The following IQCM variants were observed in gnomAD, a reference collection of about 807,000 sequenced individuals.
IQCM encodes IQ domain-containing protein M.
Under a neutral mutation model 57.6 loss-of-function variants are expected in IQCM, and 45 were observed. The ratio of observed to expected loss-of-function variants is 0.78; its 90% confidence interval spans 0.62 to 1.00. The LOEUF is 1.00. Ranked by LOEUF, IQCM falls within the 50% of genes least tolerant of loss-of-function variation. IQCM has a pLI of 0.00. For missense variants in IQCM, 468 were observed against 511.6 expected, an observed-to-expected ratio of 0.91 and a Z score of 0.82; for synonymous variants, 148 against 158.9, an observed-to-expected ratio of 0.93 and a Z score of 0.51.
At chr4:149,369,832 G>T (rs186706099) in intron 13 of IQCM, among the ~76,000 whole-genome samples, 7 of 152,174 alleles carry the variant, frequency 4.6e-5, no homozygotes, top group Non-Finnish European at 2.9e-5. Context: ...ACTTTGCAAA[G>T]CAATATCTCA....
At chr4:149,368,959 CGTGTATATATAT>C (rs1730128909) in intron 13 of IQCM, among the ~76,000 whole-genome samples, 1 of 49,434 alleles carries the variant, frequency 2.0e-5, no homozygotes, top group African/African-American at 8.1e-5. Context: ...TATATATACA[CGTGTATATATAT>C]ATGTGTATAT....
At chr4:149,436,174 G>A (rs1420364026) in intron 12 of IQCM, among the ~76,000 whole-genome samples, 1 of 151,948 alleles carries the variant, frequency 6.6e-6, no homozygotes, top group African/African-American at 2.4e-5. Flanking sequence ...TTTTGTTTTG[G>A]ATACTGTATT....
intron 13 of IQCM, among the ~76,000 whole-genome samples, chr4:149,401,541 T>C (rs930036898): frequency 7.9e-5 from 12 of 151,798 alleles, no homozygotes; most frequent in Admixed American, 7.9e-4. Flanking sequence ...TCAATATTTA[T>C]GTGATAAATA....
chr4:149,357,126 C>G (rs1477596018), intron 13 of IQCM, among the ~76,000 whole-genome samples: 4 of 152,272 alleles, frequency 2.6e-5, no homozygotes, highest in Admixed American at 2.6e-4. Context: ...AGTTGCTTAT[C>G]AGCTTAAGGA....
intron 11 of IQCM, among the ~76,000 whole-genome samples, chr4:149,550,011 T>A (rs943952954): frequency 2.6e-5 from 4 of 152,234 alleles, no homozygotes; most frequent in Admixed American, 2.6e-4. Context: ...TTTCTTTCAG[T>A]GCCCCATCCA....
chr4:149,433,588 T>G (rs1310728915), intron 12 of IQCM, 31 bp from the exon 13 acceptor site: 4 of 939,360 alleles, frequency 4.3e-6, no homozygotes, highest in Non-Finnish European at 5.5e-6. Flanking sequence ...ATATAAAATT[T>G]TAGACATTTT....
chr4:149,644,214 T>TA lies in IQCM; in HGVS notation c.566-22971dup, dbSNP rs533669406. Among the ~76,000 whole-genome samples the TA allele has an allele frequency of 5.4e-4, 83 of 152,294 alleles. 2 individuals carry two copies. In the South Asian group the frequency reaches 0.016, roughly 29 times the overall value. On this transcript the variant is annotated intron_variant, in intron 7 of 13. Transcript: ENST00000636793. ...AAAATATAACACAGAGAAAAGCATTTAAATATATACCTACAGCTTTTGATA... is the reference window on the plus strand; with the variant it reads ...AAAATATAACACAGAGAAAAGCATTTAAAATATATACCTACAGCTTTTGATA...
chr4:149,397,259 T>C (rs1249726641), intron 13 of IQCM, among the ~76,000 whole-genome samples: 1 of 151,934 alleles, frequency 6.6e-6, no homozygotes, highest in Non-Finnish European at 1.5e-5. Context: ...TGAGGTGATC[T>C]TTCACTGTGG....
intron 13 of IQCM, among the ~76,000 whole-genome samples, chr4:149,380,759 A>G (rs575868158): frequency 1.3e-4 from 20 of 152,212 alleles, no homozygotes; most frequent in African/African-American, 3.9e-4. Flanking sequence ...CAGTCCAGGA[A>G]AGAGAGGGAG....
rs571153128 is a variant in IQCM at position 149,562,556 on chromosome 4, T to C, written c.948+1136A>G. Among the ~76,000 whole-genome samples, 44 of 152,346 alleles carry C rather than the reference T, an allele frequency of 2.9e-4. 1 individual carries two copies. In the South Asian group the frequency reaches 4.1e-3, roughly 14 times the overall value. ...TAATTTAACCATGGATCTGTCAATG[T>C]CTTAGACAGACATGGGTTTGAATTC... is the stretch of plus-strand genomic sequence containing the variant. On this transcript the variant is annotated intron_variant, in intron 10 of 13. Transcript: ENST00000636793.
chr4:149,658,485 G>A (rs1296124097), intron 7 of IQCM, among the ~76,000 whole-genome samples: 1 of 151,174 alleles, frequency 6.6e-6, no homozygotes, highest in Non-Finnish European at 1.5e-5. Flanking sequence ...TGGCTTTTGG[G>A]GTCTCTCGTG....
chr4:149,427,857 T>A (rs1325795380), intron 13 of IQCM, among the ~76,000 whole-genome samples: 1 of 151,836 alleles, frequency 6.6e-6, no homozygotes, highest in African/African-American at 2.4e-5. Context: ...GTATAGTGGA[T>A]AAAATAAGGG....
intron 2 of IQCM, among the ~76,000 whole-genome samples, chr4:149,748,058 T>C (rs1190133603): frequency 1.3e-5 from 2 of 152,168 alleles, no homozygotes; most frequent in African/African-American, 4.8e-5. Context: ...AGACCCATAA[T>C]ATTAAAAATA....
At chr4:149,689,296 A>G (rs1762774970) in intron 5 of IQCM, among the ~76,000 whole-genome samples, 2 of 152,042 alleles carry the variant, frequency 1.3e-5, no homozygotes, top group Non-Finnish European at 2.9e-5. Flanking sequence ...ATCTGCACCA[A>G]ATTAACACAG....
At chr4:149,419,624 A>T (rs1343904747) in intron 13 of IQCM, among the ~76,000 whole-genome samples, 2 of 152,166 alleles carry the variant, frequency 1.3e-5, no homozygotes, top group Non-Finnish European at 2.9e-5. Context: ...ATTGCAACGA[A>T]GCCAAAATTG....
chr4:149,376,666 A>G (rs2111009048), intron 13 of IQCM, among the ~76,000 whole-genome samples: 1 of 152,256 alleles, frequency 6.6e-6, no homozygotes, highest in Non-Finnish European at 1.5e-5. Flanking sequence ...TTATTTTATG[A>G]CTCTAACATG....
rs539811789 is a variant in IQCM at position 149,365,782 on chromosome 4, G to A, written c.1391-13716C>T. Among the ~76,000 whole-genome samples, 29 of 152,022 alleles carry A rather than the reference G, an allele frequency of 1.9e-4. No individual in the cohort carries two copies. The South Asian group carries it at 2.5e-3, about 13-fold the overall frequency. On this transcript the variant is annotated intron_variant, in intron 13 of 13. Transcript: ENST00000636793. ...GGGACATTCTACAAAATACCCAATCGGTAATCCTCAAAACTGTCAAGGTCA... is the reference window on the plus strand; with the variant it reads ...GGGACATTCTACAAAATACCCAATCAGTAATCCTCAAAACTGTCAAGGTCA...
intron 13 of IQCM, among the ~76,000 whole-genome samples, chr4:149,362,316 T>C (rs75964350): frequency 6.6e-6 from 1 of 152,054 alleles, no homozygotes; most frequent in Admixed American, 6.6e-5. Context: ...TGGGAGGGCA[T>C]GATTGATTTT....
intron 8 of IQCM, among the ~76,000 whole-genome samples, chr4:149,588,482 C>T (rs964507910): frequency 2.6e-5 from 4 of 151,930 alleles, no homozygotes; most frequent in East Asian, 2.0e-4. Flanking sequence ...AACTGTGCTT[C>T]CCCTAAATCC....
Sources: allele counts gnomAD v4.1 joint callset (sites outside exome capture counted in the v4.1 genomes callset), GRCh38; gene constraint gnomAD v4.1.1; transcripts MANE v1.5; gene names NCBI Gene and HGNC (gene_info 2026-07-23, HGNC 2026-07-21).